The following PRELID2 variants were observed in gnomAD, a reference collection of about 807,000 sequenced individuals.
PRELID2 encodes PRELI domain containing 2, also known as PRELI domain-containing protein 2.
PRELID2 carries 25 observed loss-of-function variants against 28.4 expected under a neutral mutation model. The observed-to-expected ratio is 0.88, with a 90% CI of 0.64 to 1.23. The LOEUF is 1.23. PRELID2 is among the 50% of genes most tolerant of loss of function. The pLI, the probability that PRELID2 is intolerant of heterozygous loss-of-function variation, is 0.00. For missense variants in PRELID2, 201 were observed against 214.4 expected, an observed-to-expected ratio of 0.94 and a Z score of 0.39; for synonymous variants, 76 against 71.6, an observed-to-expected ratio of 1.06 and a Z score of -0.31.
chr5:145,320,618 C>T, the PRELID2 span, among the ~76,000 whole-genome samples: 1 of 152,120 alleles, frequency 6.6e-6, no homozygotes, highest in Non-Finnish European at 1.5e-5. Flanking sequence ...TGGCATTCTC[C>T]ACTTGATTTT....
chr5:145,272,584 A>T, the PRELID2 span, among the ~76,000 whole-genome samples: 1 of 152,124 alleles, frequency 6.6e-6, no homozygotes, highest in African/African-American at 2.4e-5. Flanking sequence ...TTCTACCCTT[A>T]TGAAACAGTG....
At chr5:145,830,021 C>A (rs1755477685) in intron 1 of PRELID2, among the ~76,000 whole-genome samples, 1 of 152,204 alleles carries the variant, frequency 6.6e-6, no homozygotes, top group South Asian at 2.1e-4. Context: ...ATATTTTAAT[C>A]TGTCCATTTT....
the PRELID2 span, among the ~76,000 whole-genome samples, chr5:145,254,062 G>C: frequency 4.3e-4 from 65 of 152,090 alleles, no homozygotes; most frequent in Middle Eastern, 3.4e-3. Context: ...TTATTCCTCG[G>C]CTGAGAACTT....
intron 1 of PRELID2, among the ~76,000 whole-genome samples, chr5:145,489,235 T>C (rs1752246929): frequency 1.3e-5 from 2 of 152,220 alleles, no homozygotes; most frequent in South Asian, 2.1e-4. Context: ...AGTCAGTTTA[T>C]CTTAATTTCA....
At chr5:145,424,049 G>C in the PRELID2 span, among the ~76,000 whole-genome samples, 3,766 of 137,836 alleles carry the variant, frequency 0.027, 137 homozygotes, top group African/African-American at 0.083. Context: ...AGGCTGCTCG[G>C]GGGTCAGGGG....
intron 1 of PRELID2, among the ~76,000 whole-genome samples, chr5:145,502,562 A>C (rs1752369202): frequency 6.6e-6 from 1 of 152,130 alleles, no homozygotes; most frequent in Non-Finnish European, 1.5e-5. Flanking sequence ...TCCATTACTC[A>C]TATGGAAAAT....
the PRELID2 span, among the ~76,000 whole-genome samples, chr5:145,431,168 A>G: frequency 6.6e-6 from 1 of 151,868 alleles, no homozygotes; most frequent in Admixed American, 6.6e-5. Context: ...AGATAATAGA[A>G]AGGTATTTAA....
intron 1 of PRELID2, among the ~76,000 whole-genome samples, chr5:145,480,273 A>G (rs1752145451): frequency 6.6e-6 from 1 of 152,182 alleles, no homozygotes; most frequent in African/African-American, 2.4e-5. Context: ...TTTCCATCAT[A>G]TAGCAATCAC....
chr5:145,501,945 G>A (rs1352449168), intron 1 of PRELID2, among the ~76,000 whole-genome samples: 1 of 152,112 alleles, frequency 6.6e-6, no homozygotes, highest in Non-Finnish European at 1.5e-5. Flanking sequence ...TTCTGCGTCT[G>A]TATTAATCTC....
At chr5:145,594,102 G>A (rs1034608906) in intron 1 of PRELID2, among the ~76,000 whole-genome samples, 6 of 152,210 alleles carry the variant, frequency 3.9e-5, no homozygotes, top group African/African-American at 1.4e-4. Context: ...TAGGAAAGAT[G>A]GGCTGTGAGA....
At chr5:145,674,970 A>G (rs1005765328) in intron 1 of PRELID2, among the ~76,000 whole-genome samples, 1 of 152,086 alleles carries the variant, frequency 6.6e-6, no homozygotes, top group Non-Finnish European at 1.5e-5. Context: ...TAAGACTACC[A>G]CTATATCAGT....
the PRELID2 span, among the ~76,000 whole-genome samples, chr5:145,409,385 G>A: frequency 6.6e-6 from 1 of 152,252 alleles, no homozygotes; most frequent in Non-Finnish European, 1.5e-5. Context: ...TACTAACGTT[G>A]AATGTAAATG....
the PRELID2 span, among the ~76,000 whole-genome samples, chr5:145,319,381 C>A: frequency 7.9e-5 from 12 of 152,166 alleles, no homozygotes; most frequent in Admixed American, 4.6e-4. Flanking sequence ...AAAAGTAATC[C>A]CACCAGGTTG....
chr5:145,686,139 T>G (rs1037978990), intron 1 of PRELID2, among the ~76,000 whole-genome samples: 10 of 152,196 alleles, frequency 6.6e-5, no homozygotes, highest in African/African-American at 2.2e-4. Context: ...CCACTCACTT[T>G]ACCTCCCTCC....
intron 5 of PRELID2, among the ~76,000 whole-genome samples, chr5:145,774,836 G>A (rs1292142525): frequency 3.3e-5 from 5 of 152,186 alleles, no homozygotes; most frequent in African/African-American, 1.2e-4. Flanking sequence ...AGTCTGTGCT[G>A]AGCACATTAC....
the PRELID2 span, among the ~76,000 whole-genome samples, chr5:145,297,553 A>T: frequency 7.7e-4 from 117 of 152,210 alleles, no homozygotes; most frequent in African/African-American, 2.5e-3. Flanking sequence ...CTTTGAAAAC[A>T]GGCACAAGAC....
At chr5:145,359,906 A>T in the PRELID2 span, among the ~76,000 whole-genome samples, 239 of 152,322 alleles carry the variant, frequency 1.6e-3, 2 homozygotes, top group African/African-American at 5.5e-3. Flanking sequence ...AATTTTAAGC[A>T]TGTTCACAGT....
intron 1 of PRELID2, among the ~76,000 whole-genome samples, chr5:145,691,940 CCTT>C (rs1755158971): frequency 6.6e-6 from 1 of 152,106 alleles, no homozygotes; most frequent in South Asian, 2.1e-4. Flanking sequence ...CCTTTGACCA[CCTT>C]CTTCTTTTGT....
intron 1 of PRELID2, among the ~76,000 whole-genome samples, chr5:145,568,430 A>G (rs1209555149): frequency 3.3e-5 from 5 of 152,242 alleles, no homozygotes; most frequent in Non-Finnish European, 7.3e-5. Context: ...CTGGAAGTCA[A>G]TAAGAATCCT....
Sources: gnomAD v4.1 joint callset for allele counts (sites outside exome capture counted in the v4.1 genomes callset) on GRCh38, gnomAD v4.1.1 for gene constraint, MANE v1.5 for transcripts, NCBI Gene and HGNC (gene_info 2026-07-23, HGNC 2026-07-21) for gene names.